Variants in TMEM245 observed in about 807,000 individuals in gnomAD.
The protein encoded by TMEM245 is protein CG-2.
In TMEM245, 69 loss-of-function variants were observed where a neutral mutation model predicts 101.2. That is an observed-to-expected ratio of 0.68 (90% CI 0.56 to 0.83). The LOEUF is 0.83. Among genes scored for constraint, TMEM245 ranks in the 40% least tolerant of loss-of-function variants. TMEM245 has a pLI of 0.00. For synonymous variants in TMEM245, 537 were observed against 449.8 expected, an observed-to-expected ratio of 1.19 and a Z score of -2.45; for missense variants, 1,075 against 1,092.8, an observed-to-expected ratio of 0.98 and a Z score of 0.23.
intron 9 of TMEM245, among the ~76,000 whole-genome samples, chr9:109,064,979 T>C (rs187411633): frequency 4.9e-4 from 75 of 151,972 alleles, no homozygotes; most frequent in African/African-American, 1.7e-3. Flanking sequence ...AGAGATAGGG[T>C]TTCACCATGT....
Position 109,018,145 on chromosome 9 carries a change from T to C in TMEM245, c.*2315A>G, listed in dbSNP as rs1469981491. On this transcript the variant is annotated 3_prime_UTR_variant, in exon 18 of 18. Transcript: ENST00000374586. ...TAGCTGTAGTTTTTTGCAATATCAC[T>C]TTATACAGCTAAAATCACTTTGTAT... 1 of 152,270 alleles carries C rather than the reference T, an allele frequency of 6.6e-6. No individual in the cohort carries two copies. Among genetic ancestry groups the C allele is most frequent in the African/African-American group, 2.4e-5 (1 of 41,472 alleles). 9.4% of individuals were successfully genotyped at this position (152,270 alleles called of 1,614,324 possible).
At chr9:109,053,426 C>T (rs1828743969) in intron 12 of TMEM245, among the ~76,000 whole-genome samples, 1 of 151,938 alleles carries the variant, frequency 6.6e-6, no homozygotes, top group South Asian at 2.1e-4. Flanking sequence ...GACTCTCTCT[C>T]TGAGGGGGAA....
At chr9:109,063,934 T>C (rs1258972229) in intron 10 of TMEM245, among the ~76,000 whole-genome samples, 2 of 152,172 alleles carry the variant, frequency 1.3e-5, no homozygotes, top group East Asian at 3.8e-4. Flanking sequence ...CATGCTACAG[T>C]AGAAACAAAG....
At chr9:109,099,869 G>C (rs1402765007) in intron 3 of TMEM245, among the ~76,000 whole-genome samples, 1 of 152,160 alleles carries the variant, frequency 6.6e-6, no homozygotes, top group Non-Finnish European at 1.5e-5. Flanking sequence ...CAGCCCTCAT[G>C]GGTAGGATTA....
At chr9:109,077,705 A>G (rs1269102007) in intron 8 of TMEM245, among the ~76,000 whole-genome samples, 2 of 152,186 alleles carry the variant, frequency 1.3e-5, no homozygotes, top group African/African-American at 4.8e-5. Context: ...CTTTTTGACA[A>G]TCTATTTTGT....
chr9:109,032,208 T>C (rs1827965074), intron 17 of TMEM245, among the ~76,000 whole-genome samples: 1 of 152,080 alleles, frequency 6.6e-6, no homozygotes, highest in Non-Finnish European at 1.5e-5. Context: ...CGAAGTATCA[T>C]TGTTAAATTG....
At chr9:109,089,249 A>T (rs1829931178) in intron 5 of TMEM245, among the ~76,000 whole-genome samples, 1 of 151,628 alleles carries the variant, frequency 6.6e-6, no homozygotes, top group South Asian at 2.1e-4. Flanking sequence ...AAAAAAAAAT[A>T]CAGATACAAA....
At chr9:109,042,153 C>T (rs544623317) in intron 14 of TMEM245, among the ~76,000 whole-genome samples, 60 of 152,186 alleles carry the variant, frequency 3.9e-4, no homozygotes, top group African/African-American at 1.4e-3. Context: ...TTTAAAATAA[C>T]CAAACCAAAA....
intron 9 of TMEM245, among the ~76,000 whole-genome samples, chr9:109,071,840 CAA>C (rs1392780560): frequency 5.3e-5 from 8 of 152,126 alleles, no homozygotes; most frequent in African/African-American, 1.2e-4. Flanking sequence ...ACATCCCCCA[CAA>C]AAACTGAAAA....
At chr9:109,090,800 AC>A (rs2132566250) in intron 5 of TMEM245, 121 bp downstream of exon 5, 1 of 820,772 alleles carries the variant, frequency 1.2e-6, no homozygotes, top group Admixed American at 2.9e-5. Context: ...TTAAATGCAA[AC>A]ATAAGATTGT....
intron 9 of TMEM245, among the ~76,000 whole-genome samples, chr9:109,066,705 G>A (rs536479015): frequency 6.6e-6 from 1 of 151,554 alleles, no homozygotes; most frequent in Non-Finnish European, 1.5e-5. Context: ...TGATATATTG[G>A]TATTATATTG....
chr9:109,112,967 T>G lies in TMEM245; in HGVS notation c.580-4397A>C, dbSNP rs372900607. ...GGCAGATGCCTGTAGTCCCAGCCAC[T>G]CGGGAGGCTGAGGCAGGAGAATTGC... is the stretch of plus-strand genomic sequence containing the variant. On this transcript the variant is annotated intron_variant, in intron 1 of 17. Coordinates refer to ENST00000374586, the MANE Select transcript of TMEM245 (RefSeq NM_032012.4). Among the ~76,000 whole-genome samples the G allele has an allele frequency of 1.1e-4, 16 of 152,046 alleles. No homozygotes were observed. The East Asian group carries it at 2.1e-3, about 20-fold the overall frequency.
At chr9:109,100,416 T>C (rs1365124019) in intron 3 of TMEM245, among the ~76,000 whole-genome samples, 2 of 152,198 alleles carry the variant, frequency 1.3e-5, no homozygotes, top group Non-Finnish European at 2.9e-5. Context: ...CTTGACCTCC[T>C]GGGCTCAAAC....
chr9:109,097,914 G>A (rs780604890), intron 3 of TMEM245, among the ~76,000 whole-genome samples: 9 of 152,126 alleles, frequency 5.9e-5, no homozygotes, highest in Admixed American at 6.5e-5. Flanking sequence ...GAGAGATTCC[G>A]TCTTGAAAAA....
intron 15 of TMEM245, 24 bp downstream of exon 15, chr9:109,037,993 T>A (rs1300196613): frequency 6.6e-7 from 1 of 1,519,660 alleles, no homozygotes; most frequent in Middle Eastern, 1.7e-4. Flanking sequence ...TAGCGAATAG[T>A]GGAAGGTACA....
At chr9:109,048,353 C>T (rs1564178471) in intron 14 of TMEM245, among the ~76,000 whole-genome samples, 1 of 150,974 alleles carries the variant, frequency 6.6e-6, no homozygotes, top group East Asian at 1.9e-4. Context: ...GGTTTTCTAA[C>T]AATCAAATGG....
At chr9:109,070,892 G>GT (rs1829310017) in intron 9 of TMEM245, among the ~76,000 whole-genome samples, 2 of 151,972 alleles carry the variant, frequency 1.3e-5, no homozygotes, top group South Asian at 2.1e-4. Flanking sequence ...TTTTATTGTT[G>GT]TTTTTTTGAG....
At chr9:109,033,644 A>C (rs550728673) in intron 16 of TMEM245, 143 bp from the exon 17 acceptor site, 1 of 661,412 alleles carries the variant, frequency 1.5e-6, no homozygotes, top group South Asian at 3.3e-5. Context: ...CATACAACTG[A>C]ACACTGACTG....
intron 5 of TMEM245, 57 bp downstream of exon 5, chr9:109,090,865 A>C: frequency 1.3e-6 from 2 of 1,520,526 alleles, no homozygotes; most frequent in South Asian, 2.4e-5. Flanking sequence ...AAAAGTAAAA[A>C]AAGAAAAAAA....
Sources: allele counts gnomAD v4.1 joint callset (sites outside exome capture counted in the v4.1 genomes callset), GRCh38; gene constraint gnomAD v4.1.1; transcripts MANE v1.5; gene names NCBI Gene and HGNC (gene_info 2026-07-23, HGNC 2026-07-21).